The following PHF5A variants were observed in gnomAD, a reference collection of about 807,000 sequenced individuals.
PHF5A encodes the protein PHD finger-like domain-containing protein 5A.
For missense variants in PHF5A, 24 were observed against 140.6 expected, an observed-to-expected ratio of 0.17 and a Z score of 4.19; for synonymous variants, 52 against 46.0, an observed-to-expected ratio of 1.13 and a Z score of -0.52.
At chr22:41,464,259 G>C (rs1394271125) in intron 3 of PHF5A, among the ~76,000 whole-genome samples, 1 of 152,144 alleles carries the variant, frequency 6.6e-6, no homozygotes, top group Non-Finnish European at 1.5e-5. Context: ...TTGTGGCTTT[G>C]AAAAATTATA....
rs200181022 is a variant in PHF5A, at chr22:41,468,110, T to C, written c.76+14A>G. 3.8e-5 allele frequency: 62 copies of C among 1,613,832 alleles called. No homozygotes were observed. The African/African-American group carries it at 7.6e-4, about 20-fold the overall frequency. On this transcript the variant is annotated intron_variant, in intron 2 of 3. Coordinates refer to ENST00000216252, the MANE Select transcript of PHF5A (RefSeq NM_032758.4). ...TGGGAAGGGTGGGTTGTTGGGACGG[T>C]GTGTTCCACTCACATTTTTCACACA...
intron 1 of PHF5A, 110 bp downstream of exon 1, chr22:41,468,492 G>C: frequency 7.9e-7 from 1 of 1,272,434 alleles, no homozygotes; most frequent in Non-Finnish European, 1.1e-6. Flanking sequence ...TGAGAGGCGG[G>C]AAACGTGGCG....
chr22:41,460,480 C>A lies in PHF5A; in HGVS notation c.251G>T (p.Gly84Val). The A allele has an allele frequency of 6.3e-7, 1 of 1,596,698 alleles. No individual in the cohort carries two copies. Among genetic ancestry groups the A allele is most frequent in the Non-Finnish European group, 8.6e-7 (1 of 1,168,322 alleles). Reference protein sequence around the residue: ...ECTIQEKDRDGCPKIVNLGSS... With the variant: ...ECTIQEKDRDVCPKIVNLGSS... ...CCCCAGATTGACAATCTTTGGGCAG[C>A]CATCTCTCTGGAAAACAGAACAGAG... Residue 84 changes from glycine (G) to valine (V), a missense_variant, in exon 4 of 4, where the codon GGC (glycine) becomes GTC (valine). Gly to Val is a moderately radical substitution (Grantham distance 109, BLOSUM62 -3). Coordinates refer to ENST00000216252, the MANE Select transcript of PHF5A (RefSeq NM_032758.4).
intron 2 of PHF5A, 179 bp downstream of exon 2, chr22:41,467,945 A>G: frequency 1.5e-6 from 1 of 651,216 alleles, no homozygotes; most frequent in South Asian, 1.9e-5. Flanking sequence ...AGAGAGATAC[A>G]GCGTTAAATG....
chr22:41,461,657 CA>C (rs551916583), intron 3 of PHF5A, among the ~76,000 whole-genome samples: 21 of 151,734 alleles, frequency 1.4e-4, no homozygotes, highest in Non-Finnish European at 2.9e-4. Context: ...AGTGCTCGGC[CA>C]TACCTTATAT....
chr22:41,459,825 A>C lies in PHF5A; in HGVS notation c.*573T>G, dbSNP rs1284857178. On this transcript the variant is annotated 3_prime_UTR_variant, in exon 4 of 4. Transcript: ENST00000216252. ...TAGTGGGCTATGATGATGCCTGTGA[A>C]TAGCCAGCTACTGTACCCCACTGTA... 3 of 151,626 alleles carry C rather than the reference A, an allele frequency of 2.0e-5. No homozygotes were observed. Among genetic ancestry groups the C allele is most frequent in the African/African-American group, 7.3e-5 (3 of 41,282 alleles). 9.4% of individuals were successfully genotyped at this position (151,626 alleles called of 1,614,324 possible). A position where few individuals can be genotyped will look rare whatever the true frequency, so the allele number is the denominator to read the frequency against.
At chr22:41,468,454 C>T in intron 1 of PHF5A, 148 bp downstream of exon 1, 2 of 908,618 alleles carry the variant, frequency 2.2e-6, no homozygotes, top group East Asian at 5.2e-5. Context: ...AGGCCACAAA[C>T]CTGCGCGCTC....
Position 41,459,911 on chromosome 22 carries a change from C to A in PHF5A, c.*487G>T, listed in dbSNP as rs1446074465. 12 of 102,714 alleles carry A rather than the reference C, an allele frequency of 1.2e-4. No homozygotes were observed. Among genetic ancestry groups the A allele is most frequent in the South Asian group, 4.2e-4 (1 of 2,368 alleles). The allele number at this position is 102,714 out of a possible 1,614,324, so 6.4% of individuals were successfully genotyped here. A position where few individuals can be genotyped will look rare whatever the true frequency, so the allele number is the denominator to read the frequency against. On this transcript the variant is annotated 3_prime_UTR_variant, in exon 4 of 4. Coordinates refer to ENST00000216252, the MANE Select transcript of PHF5A (RefSeq NM_032758.4). Reference sequence around the variant, plus strand: ...GAGGGCAGAGCCCTGCCCCCCCACCCCCCCCCCAAAAAAAACGGGAAATGC... The same window carrying A: ...GAGGGCAGAGCCCTGCCCCCCCACCACCCCCCCAAAAAAAACGGGAAATGC...
chr22:41,468,544 C>A, intron 1 of PHF5A, 58 bp downstream of exon 1: 2 of 1,567,718 alleles, frequency 1.3e-6, no homozygotes, highest in East Asian at 2.2e-5. Context: ...GAACCCCCGA[C>A]CCCCCAGCTC....
At chr22:41,468,081 G>A in intron 2 of PHF5A, 43 bp downstream of exon 2, 2 of 1,609,650 alleles carry the variant, frequency 1.2e-6, no homozygotes, top group Non-Finnish European at 1.7e-6. Context: ...CAGAAAACTG[G>A]GAGTGGGAAG....
At chr22:41,465,463 C>T (rs2037858530) in intron 3 of PHF5A, among the ~76,000 whole-genome samples, 1 of 152,080 alleles carries the variant, frequency 6.6e-6, no homozygotes, top group Non-Finnish European at 1.5e-5. Context: ...GTGCCTGGCC[C>T]AATGGTGTGG....
rs369020001 is a variant in PHF5A at position 41,467,974 on chromosome 22, G to A, written c.76+150C>T. 71 of 768,320 alleles carry A rather than the reference G, an allele frequency of 9.2e-5. No homozygotes were observed. The African/African-American group carries it at 1.1e-3, about 12-fold the overall frequency. The allele number at this position is 768,320 out of a possible 1,614,324, so 47.6% of individuals were successfully genotyped here. On this transcript the variant is annotated intron_variant, in intron 2 of 3. Coordinates refer to ENST00000216252, the MANE Select transcript of PHF5A (RefSeq NM_032758.4). ...TTAAATGTGCAAGCGGCAGTGGGGA[G>A]TTAGAGGGGCCTTTGGCTAAAGTGC...
At position 41,460,157 on chromosome 22, in the gene PHF5A, C is replaced by A; in HGVS notation, c.*241G>T. ...TTTGCTTCTCGAATTCAAGAAAAAC[C>A]ATTAACTAATCTATCAAGTTTTCTC... is the stretch of plus-strand genomic sequence containing the variant. On this transcript the variant is annotated 3_prime_UTR_variant, in exon 4 of 4. Coordinates refer to ENST00000216252, the MANE Select transcript of PHF5A (RefSeq NM_032758.4). 1 of 353,380 alleles carries A rather than the reference C, an allele frequency of 2.8e-6. No homozygotes were observed. Among genetic ancestry groups the A allele is most frequent in the Non-Finnish European group, 5.1e-6 (1 of 194,710 alleles). The allele number at this position is 353,380 out of a possible 1,614,324, so 21.9% of individuals were successfully genotyped here. A position where few individuals can be genotyped will look rare whatever the true frequency, so the allele number is the denominator to read the frequency against.
At position 41,467,634 on chromosome 22, in the gene PHF5A, G is replaced by A. The variant is rs1459849058; in HGVS notation, c.77-20C>T. 6.2e-7 allele frequency: 1 copy of A among 1,613,398 alleles called. No homozygotes were observed. The highest frequency in any genetic ancestry group is 8.5e-7 in the Non-Finnish European group (1 of 1,179,446). ...CATCACCTGTAAGGAAGAGAATGGA[G>A]TCATGCTCACAAGTTCTTCAGTCCT... On this transcript the variant is annotated intron_variant, in intron 2 of 3. Coordinates refer to ENST00000216252, the MANE Select transcript of PHF5A (RefSeq NM_032758.4).
At chr22:41,460,844 G>A (rs2037821798) in intron 3 of PHF5A, among the ~76,000 whole-genome samples, 1 of 152,144 alleles carries the variant, frequency 6.6e-6, no homozygotes, top group African/African-American at 2.4e-5. Context: ...GCCCAGATCA[G>A]CACTGTTTCT....
intron 3 of PHF5A, among the ~76,000 whole-genome samples, chr22:41,463,363 G>A (rs1195885092): frequency 1.3e-5 from 2 of 151,586 alleles, no homozygotes. Context: ...AGCCGAGGCA[G>A]GCAGATCACC....
At position 41,468,446 on chromosome 22, in the gene PHF5A, G is replaced by A. The variant is rs1434322486; in HGVS notation, c.52+156C>T. 6.0e-6 allele frequency: 5 copies of A among 829,424 alleles called. No homozygotes were observed. In the African/African-American group the frequency reaches 8.6e-5, roughly 14 times the overall value. The allele number at this position is 829,424 out of a possible 1,614,324, so 51.4% of individuals were successfully genotyped here. A position where few individuals can be genotyped will look rare whatever the true frequency, so the allele number is the denominator to read the frequency against. Reference sequence around the variant, plus strand: ...CACCCCCGCCCTCTTCTCATCAGAGGCCACAAACCTGCGCGCTCCTACAAC... The same window carrying A: ...CACCCCCGCCCTCTTCTCATCAGAGACCACAAACCTGCGCGCTCCTACAAC... On this transcript the variant is annotated intron_variant, in intron 1 of 3. Coordinates refer to ENST00000216252, the MANE Select transcript of PHF5A (RefSeq NM_032758.4).
chr22:41,468,015 C>G, intron 2 of PHF5A, 109 bp downstream of exon 2: 1 of 1,192,236 alleles, frequency 8.4e-7, no homozygotes, highest in Non-Finnish European at 1.2e-6. Flanking sequence ...TCAGTGTTCA[C>G]ATACTTCCAG....
At chr22:41,464,622 G>A (rs2037852158) in intron 3 of PHF5A, among the ~76,000 whole-genome samples, 1 of 152,214 alleles carries the variant, frequency 6.6e-6, no homozygotes, top group African/African-American at 2.4e-5. Flanking sequence ...CACATTCAGA[G>A]GAGTCAGACA....
Sources: allele counts gnomAD v4.1 joint callset (sites outside exome capture counted in the v4.1 genomes callset), GRCh38; gene constraint gnomAD v4.1.1; transcripts MANE v1.5; gene names NCBI Gene and HGNC (gene_info 2026-07-23, HGNC 2026-07-21).